The following ATP2A1 variants were observed in gnomAD, a reference collection of about 807,000 sequenced individuals.
ATP2A1 encodes the protein ATPase sarcoplasmic/endoplasmic reticulum Ca2+ transporting 1, also known as sarcoplasmic/endoplasmic reticulum calcium ATPase 1.
Under a neutral mutation model 109.5 loss-of-function variants are expected in ATP2A1, and 83 were observed. The ratio of observed to expected loss-of-function variants is 0.76; its 90% CI spans 0.63 to 0.91. The LOEUF is 0.91. Among genes scored for constraint, ATP2A1 ranks in the 40% least tolerant of loss-of-function variants. ATP2A1 has a pLI of 0.00. For synonymous variants in ATP2A1, 505 were observed against 537.6 expected (o/e 0.94, Z 0.84); for missense variants, 1,101 against 1,341.0 (o/e 0.82, Z 2.80).
chr16:28,890,468 C>T (rs1448696357), intron 9 of ATP2A1, among the ~76,000 whole-genome samples: 1 of 151,506 alleles, frequency 6.6e-6, no homozygotes, highest in Non-Finnish European at 1.5e-5. Flanking sequence ...CATGACAGAG[C>T]GAGACCCTGT....
rs972494690 is a variant in ATP2A1, at chr16:28,902,073, G to A, written c.2311G>A (p.Glu771Lys). ...IRYLISSNVG[E>K]VVCIFLTAAL... Reference sequence around the variant, plus strand: ...CTACCTCATTTCCTCCAACGTGGGCGAGGTGGTCTGGTGAGCAGCTGGGTG... The same window carrying A: ...CTACCTCATTTCCTCCAACGTGGGCAAGGTGGTCTGGTGAGCAGCTGGGTG... Residue 771 changes from glutamate to lysine, a missense_variant, in exon 16 of 23, where the codon GAG becomes AAG. Physicochemically the swap from Glu to Lys is moderately conservative, Grantham distance 56. Coordinates refer to ENST00000395503, the MANE Select transcript of ATP2A1 (RefSeq NM_004320.6). The surrounding 1 kb of genome is among the most constrained non-coding windows in gnomAD (Gnocchi z 4.8). The A allele has an allele frequency of 7.4e-6, 12 of 1,614,116 alleles. No individual in the cohort carries two copies. Among genetic ancestry groups the A allele is most frequent in the Admixed American group, 6.7e-5 (4 of 60,004 alleles).
intron 14 of ATP2A1, among the ~76,000 whole-genome samples, chr16:28,899,846 G>A (rs1964020689): frequency 6.6e-6 from 1 of 151,126 alleles, no homozygotes; most frequent in Non-Finnish European, 1.5e-5. Flanking sequence ...TATAATCCCA[G>A]CTACTCAGGA....
rs777520022 is a variant in ATP2A1, at chr16:28,902,423, T to C, written c.2524+37T>C. The C allele has an allele frequency of 1.9e-6, 3 of 1,608,530 alleles. No homozygotes were observed. In the African/African-American group the frequency reaches 4.0e-5, roughly 22 times the overall value. ...GGGTTCCTCGATCCTCCCCACCCCT[T>C]GGGACTAACCCCCTCTCTGGGACAC... On this transcript the variant is annotated intron_variant, in intron 17 of 22. Coordinates refer to ENST00000395503, the MANE Select transcript of ATP2A1 (RefSeq NM_004320.6). This position sits in a 1 kb window ranked among gnomAD's most constrained non-coding sequence, Gnocchi z 4.8.
At chr16:28,896,570 G>A (rs1017472626) in intron 12 of ATP2A1, among the ~76,000 whole-genome samples, 2 of 152,016 alleles carry the variant, frequency 1.3e-5, no homozygotes, top group African/African-American at 2.4e-5. Flanking sequence ...GTGCCACAAC[G>A]CCCAACTAAT....
chr16:28,879,384 G>A, intron 2 of ATP2A1, 117 bp from the exon 3 acceptor site: 1 of 1,037,428 alleles, frequency 9.6e-7, no homozygotes, highest in East Asian at 2.4e-5. Context: ...TGGGCACCAA[G>A]CTGTCTGCCC....
Position 28,884,624 on chromosome 16 carries a change from C to T in ATP2A1, c.513C>T (p.Thr171=). ...ADIRILAIKS[T]TLRVDQSILT... ...TCCGAATCCTCGCCATCAAATCCAC[C>T]ACGCTGCGGGTTGACCAGTCCATCC... The change falls in exon 6 of 23, where the codon ACC becomes ACT. Residue 171 remains threonine (T), a synonymous_variant. Coordinates refer to ENST00000395503, the MANE Select transcript of ATP2A1 (RefSeq NM_004320.6). 3 of 1,613,834 alleles carry T rather than the reference C, an allele frequency of 1.9e-6. 1 individual carries two copies.
In ATP2A1 at chr16:28,904,231, C is replaced by T. The variant is rs201185506; in HGVS notation, c.*89C>T. ...GCATCCTTTTGCTCTGTCCTCCCCA[C>T]CCCGATAGTGACACATCTTCAGGCA... On this transcript the variant is annotated 3_prime_UTR_variant, in exon 23 of 23. Coordinates refer to ENST00000395503, the MANE Select transcript of ATP2A1 (RefSeq NM_004320.6). The T allele has an allele frequency of 1.2e-6, 2 of 1,613,738 alleles. No individual in the cohort carries two copies. The highest frequency in any genetic ancestry group is 1.3e-5 in the African/African-American group (1 of 75,020).
chr16:28,903,053 T>A lies in ATP2A1; in HGVS notation c.2768T>A (p.Leu923Gln), dbSNP rs755320731. The part of the protein sequence containing the change: ...LNSLSENQSL[L>Q]RMPPWVNIWL... ...AGCCTGTCCGAGAACCAGTCCCTGC[T>A]GCGGATGCCACCCTGGGTGAACATC... Residue 923 changes from leucine to glutamine, a missense_variant, in exon 20 of 23, where the codon CTG (leucine) becomes CAG (glutamine). Coordinates refer to ENST00000395503, the MANE Select transcript of ATP2A1 (RefSeq NM_004320.6). The surrounding 1 kb of genome is among the most constrained non-coding windows in gnomAD (Gnocchi z 5.6). 6.2e-7 allele frequency: 1 copy of A among 1,613,868 alleles called. No homozygotes were observed. Among genetic ancestry groups the A allele is most frequent in the Admixed American group, 1.7e-5 (1 of 60,008 alleles).
At chr16:28,882,982 G>A (rs1963528127) in intron 5 of ATP2A1, among the ~76,000 whole-genome samples, 1 of 152,228 alleles carries the variant, frequency 6.6e-6, no homozygotes, top group Non-Finnish European at 1.5e-5. Flanking sequence ...GTGCCCTTGA[G>A]GCCTCTCAAA....
chr16:28,894,157 GTTT>G lies in ATP2A1; in HGVS notation c.1099_1101del (p.Phe367del), dbSNP rs1428058816. ...GTGCCTGCCCTTCTCCCCTGCAGAT[GTTT>G]ATCATTGACAAGGTGGATGGGGACA... is the stretch of plus-strand genomic sequence containing the variant. On this transcript the variant is annotated inframe_deletion, in exon 10 of 23. Transcript: ENST00000395503. 1.9e-6 allele frequency: 3 copies of G among 1,613,752 alleles called. No homozygotes were observed. Among genetic ancestry groups the G allele is most frequent in the Non-Finnish European group, 2.5e-6 (3 of 1,179,904 alleles).
rs778795132 is a variant in ATP2A1, at chr16:28,879,603, T to TG, written c.219+25dup. ...TCCTTCGTAAGTGTGGGAGGGTCTCTGGGGGCTGGCTGGGGGTGTGAGGCT... is the reference window on the plus strand; with the variant it reads ...TCCTTCGTAAGTGTGGGAGGGTCTCTGGGGGGCTGGCTGGGGGTGTGAGGCT... On this transcript the variant is annotated intron_variant, in intron 3 of 22. Transcript: ENST00000395503. 6.2e-6 allele frequency: 10 copies of TG among 1,612,566 alleles called. No individual in the cohort carries two copies. The highest frequency in any genetic ancestry group is 2.2e-5 in the East Asian group (1 of 44,864).
chr16:28,894,291 C>T (rs903311862), intron 10 of ATP2A1, 48 bp downstream of exon 10: 3 of 1,559,126 alleles, frequency 1.9e-6, no homozygotes, highest in Middle Eastern at 1.7e-4. Flanking sequence ...CCCCTTCCCA[C>T]ACCCCCTTTC....
At chr16:28,887,091 C>T (rs1046883599) in intron 6 of ATP2A1, 98 bp from the exon 7 acceptor site, 2 of 1,306,876 alleles carry the variant, frequency 1.5e-6, no homozygotes, top group Non-Finnish European at 1.1e-6. Flanking sequence ...TTGGTCCTTA[C>T]CAGGAGCTGT....
rs116760099 is a variant in ATP2A1 at position 28,903,602 on chromosome 16, G to A, written c.2981-98G>A. ...CTGCGCCTGCAGGGGCCACATCTCC[G>A]GGGCAGCCCCACTGCCTCCTCAGCC... On this transcript the variant is annotated intron_variant, in intron 21 of 22. Coordinates refer to ENST00000395503, the MANE Select transcript of ATP2A1 (RefSeq NM_004320.6). The surrounding 1 kb of genome is among the most constrained non-coding windows in gnomAD (Gnocchi z 5.6). 247 of 1,206,828 alleles carry A rather than the reference G, an allele frequency of 2.0e-4. 1 individual carries two copies. The African/African-American group carries it at 3.3e-3, about 16-fold the overall frequency. The allele number at this position is 1,206,828 out of a possible 1,614,324, so 74.8% of individuals were successfully genotyped here. A position where few individuals can be genotyped will look rare whatever the true frequency, so the allele number is the denominator to read the frequency against.
At chr16:28,892,643 T>A (rs1192280452) in intron 9 of ATP2A1, 4 of 154,876 alleles carry the variant, frequency 2.6e-5, no homozygotes, top group African/African-American at 7.2e-5. Context: ...CTCTGTTGCG[T>A]TTGCCCAGGA....
intron 6 of ATP2A1, among the ~76,000 whole-genome samples, chr16:28,886,367 G>A (rs112655326): frequency 2.0e-5 from 3 of 152,010 alleles, no homozygotes; most frequent in African/African-American, 7.2e-5. Context: ...TTCTGTTTCC[G>A]CACTGGCAGG....
intron 6 of ATP2A1, 116 bp from the exon 7 acceptor site, chr16:28,887,073 A>T: frequency 9.8e-7 from 1 of 1,015,942 alleles, no homozygotes; most frequent in Non-Finnish European, 1.6e-6. Flanking sequence ...ATCCCCCAGG[A>T]TGGCTACTTG....
chr16:28,879,923 GCCACTCC>G, intron 3 of ATP2A1: 1 of 896,616 alleles, frequency 1.1e-6, no homozygotes, highest in Non-Finnish European at 1.4e-6. Context: ...GGGGGCCACT[GCCACTCC>G]CGGCATGCGC....
rs1011846693 is a variant in ATP2A1 at position 28,883,608 on chromosome 16, T to G, written c.464-967T>G. Among the ~76,000 whole-genome samples the G allele has an allele frequency of 1.3e-5, 2 of 152,164 alleles. No individual in the cohort carries two copies. The highest frequency in any genetic ancestry group is 2.9e-5 in the Non-Finnish European group (2 of 68,022). On this transcript the variant is annotated intron_variant, in intron 5 of 22. Transcript: ENST00000395503. The surrounding 1 kb of genome is among the most constrained non-coding windows in gnomAD (Gnocchi z 5.2). ...ATTAGGCAGCGGCCCTGGGAGATTC[T>G]TAGCCTCCTCCTAAGGTCTCTGAGT...
Sources: allele counts gnomAD v4.1 joint callset (sites outside exome capture counted in the v4.1 genomes callset), GRCh38; gene constraint gnomAD v4.1.1; non-coding constraint Gnocchi (gnomAD v3.1); transcripts MANE v1.5; gene names NCBI Gene and HGNC (gene_info 2026-07-23, HGNC 2026-07-21).